Variants in MEI4 observed in about 807,000 individuals in gnomAD.
MEI4 encodes the protein meiotic double-stranded break formation protein 4.
Under a neutral mutation model 31.4 loss-of-function variants are expected in MEI4, and 27 were observed. That is an observed-to-expected ratio of 0.86 (90% CI 0.63 to 1.19). The LOEUF (loss-of-function observed/expected upper bound fraction) is 1.19, where lower values mean the gene tolerates loss of function less well. Ranked by LOEUF, MEI4 falls within the 50% of genes most tolerant of loss-of-function variation. MEI4 has a pLI of 0.00. For missense variants in MEI4, 329 were observed against 398.9 expected, an observed-to-expected ratio of 0.82 and a Z score of 1.49; for synonymous variants, 122 against 145.4, an observed-to-expected ratio of 0.84 and a Z score of 1.16.
rs117739498 is a variant in MEI4, at chr6:77,845,604, T to A, written c.900+16542T>A. 7.9e-3 allele frequency among the ~76,000 whole-genome samples: 1,200 copies of A among 152,286 alleles called. 9 individuals are homozygous for A. The highest frequency in any genetic ancestry group is 0.012 in the Non-Finnish European group (788 of 68,016). On this transcript the variant is annotated intron_variant, in intron 4 of 4. Transcript: ENST00000684080. Reference sequence around the variant, plus strand: ...TAGCAACACTAACTTTTTCTTTTTATTTGGGATATTTCTTTTATTATGTAC... The same window carrying A: ...TAGCAACACTAACTTTTTCTTTTTAATTGGGATATTTCTTTTATTATGTAC...
chr6:77,824,111 A>G (rs1769889198), intron 3 of MEI4, among the ~76,000 whole-genome samples: 1 of 152,020 alleles, frequency 6.6e-6, no homozygotes, highest in African/African-American at 2.4e-5. Flanking sequence ...ATTTTTTTTG[A>G]TGGAGTTTTG....
chr6:77,779,227 A>C (rs1296477840), intron 3 of MEI4, among the ~76,000 whole-genome samples: 3 of 152,184 alleles, frequency 2.0e-5, no homozygotes, highest in Non-Finnish European at 2.9e-5. Flanking sequence ...AAAATTAGGA[A>C]AGTATTGTCA....
intron 1 of MEI4, among the ~76,000 whole-genome samples, chr6:77,676,333 G>A (rs1768844395): frequency 6.6e-6 from 1 of 151,792 alleles, no homozygotes; most frequent in African/African-American, 2.4e-5. Flanking sequence ...AGATTAGCCT[G>A]GGCAACATAG....
intron 3 of MEI4, among the ~76,000 whole-genome samples, chr6:77,781,425 C>T (rs1464035822): frequency 2.6e-5 from 4 of 152,112 alleles, no homozygotes; most frequent in Admixed American, 1.3e-4. Flanking sequence ...AAACTTGCTG[C>T]TCAAAATGTG....
At chr6:77,780,237 T>C (rs1768559127) in intron 3 of MEI4, among the ~76,000 whole-genome samples, 1 of 152,146 alleles carries the variant, frequency 6.6e-6, no homozygotes, top group Admixed American at 6.5e-5. Context: ...GTTAATAGCT[T>C]AGAGTAGGTA....
In MEI4 at chr6:77,680,115, C is replaced by CAAAAAAAAAAAAAAAAAA. The variant is rs1220251759; in HGVS notation, c.-14-10529_-14-10528insAAAAAAAAAAAAAAAAAA. Among the ~76,000 whole-genome samples, 64 of 39,730 alleles carry CAAAAAAAAAAAAAAAAAA rather than the reference C, an allele frequency of 1.6e-3. 12 individuals are homozygous for CAAAAAAAAAAAAAAAAAA. The East Asian group carries it at 0.016, about 10-fold the overall frequency. The allele number at this position is 39,730 out of a possible 152,430, so 26.1% of individuals were successfully genotyped here. A position where few individuals can be genotyped will look rare whatever the true frequency, so the allele number is the denominator to read the frequency against. ...TGAAACCCCGTCCCTACTAAAAATA[C>CAAAAAAAAAAAAAAAAAA]AAAAAAAAAAAAAATTAGCTGGGCG... On this transcript the variant is annotated intron_variant, in intron 1 of 4. Coordinates refer to ENST00000684080, the MANE Select transcript of MEI4 (RefSeq NM_001322247.2).
chr6:77,851,564 A>G (rs960303212), intron 4 of MEI4, among the ~76,000 whole-genome samples: 1 of 144,478 alleles, frequency 6.9e-6, no homozygotes, highest in Admixed American at 7.3e-5. Context: ...GTTCTCGCTC[A>G]TAGGTGGGAA....
chr6:77,923,562 CA>C lies in MEI4; in HGVS notation c.*217del. ...ATCAGCCAGTTTCGGTTGGTAATGCCATCCTTATTCCCATGTAACTGTATCT... is the reference window on the plus strand; with the variant it reads ...ATCAGCCAGTTTCGGTTGGTAATGCCTCCTTATTCCCATGTAACTGTATCT... On this transcript the variant is annotated 3_prime_UTR_variant, in exon 5 of 5. Transcript: ENST00000684080. The C allele has an allele frequency of 3.0e-6, 1 of 328,954 alleles. No homozygotes were observed. The allele number at this position is 328,954 out of a possible 1,614,324, so 20.4% of individuals were successfully genotyped here. A position where few individuals can be genotyped will look rare whatever the true frequency, so the allele number is the denominator to read the frequency against.
chr6:77,862,691 C>A (rs561412322), intron 4 of MEI4, among the ~76,000 whole-genome samples: 47 of 152,312 alleles, frequency 3.1e-4, no homozygotes, highest in African/African-American at 1.1e-3. Context: ...CCTCTGCAGA[C>A]TTAAATGTCC....
intron 3 of MEI4, among the ~76,000 whole-genome samples, chr6:77,778,706 CAAATAAATAAATAAAT>C (rs71546067): frequency 1.4e-4 from 21 of 145,688 alleles, no homozygotes; most frequent in Non-Finnish European, 1.9e-4. Flanking sequence ...GACCCTGTCT[CAAATAAATAAATAAAT>C]AAATAAATAA....
At chr6:77,859,146 C>A (rs940681718) in intron 4 of MEI4, among the ~76,000 whole-genome samples, 7 of 152,112 alleles carry the variant, frequency 4.6e-5, no homozygotes, top group African/African-American at 1.7e-4. Context: ...TGTTAGTTTG[C>A]TGAGGATGAT....
At position 77,846,994 on chromosome 6, in the gene MEI4, T is replaced by C. The variant is rs117319369; in HGVS notation, c.900+17932T>C. On this transcript the variant is annotated intron_variant, in intron 4 of 4. Transcript: ENST00000684080. ...CATTTTTCCGTCATAGATTCTTTCA[T>C]TGAGAAACTGAAGGATTTTGTGTTG... is the stretch of plus-strand genomic sequence containing the variant. 5.3e-3 allele frequency among the ~76,000 whole-genome samples: 807 copies of C among 152,294 alleles called. 7 individuals are homozygous for C. The highest frequency in any genetic ancestry group is 9.0e-3 in the Non-Finnish European group (615 of 68,024).
intron 4 of MEI4, among the ~76,000 whole-genome samples, chr6:77,882,387 C>A (rs1186317294): frequency 6.6e-6 from 1 of 152,132 alleles, no homozygotes; most frequent in Non-Finnish European, 1.5e-5. Flanking sequence ...TCAGAATAAT[C>A]ATCTGTTTTT....
rs200236083 is a variant in MEI4 at position 77,670,961 on chromosome 6, G to T, written c.-15+17869G>T. Among the ~76,000 whole-genome samples the T allele has an allele frequency of 2.7e-5, 4 of 150,604 alleles. No homozygotes were observed. The East Asian group carries it at 7.8e-4, about 29-fold the overall frequency. Reference sequence around the variant, plus strand: ...TAAAAAAAATTACAATCACATTTATGTTTCTGATGTGGTCTGATCATCAAA... The same window carrying T: ...TAAAAAAAATTACAATCACATTTATTTTTCTGATGTGGTCTGATCATCAAA... On this transcript the variant is annotated intron_variant, in intron 1 of 4. Transcript: ENST00000684080.
intron 4 of MEI4, among the ~76,000 whole-genome samples, chr6:77,855,924 A>C (rs1770736493): frequency 6.6e-6 from 1 of 152,158 alleles, no homozygotes; most frequent in African/African-American, 2.4e-5. Flanking sequence ...ATCATTCCAC[A>C]TTGAATTTAA....
At chr6:77,695,664 T>C (rs1158302464) in intron 2 of MEI4, among the ~76,000 whole-genome samples, 1 of 152,220 alleles carries the variant, frequency 6.6e-6, no homozygotes, top group African/African-American at 2.4e-5. Flanking sequence ...TTGGTTACTG[T>C]AGCCTTGTAG....
At position 77,696,289 on chromosome 6, in the gene MEI4, T is replaced by A. The variant is rs9448163; in HGVS notation, c.232+5386T>A. Reference sequence around the variant, plus strand: ...CCTGCCTGATTGTCCTGGACAGAACTTCCAACACTATGTTGAATAGGAGTG... The same window carrying A: ...CCTGCCTGATTGTCCTGGACAGAACATCCAACACTATGTTGAATAGGAGTG... On this transcript the variant is annotated intron_variant, in intron 2 of 4. Coordinates refer to ENST00000684080, the MANE Select transcript of MEI4 (RefSeq NM_001322247.2). 6.9e-3 allele frequency among the ~76,000 whole-genome samples: 1,058 copies of A among 152,276 alleles called. 13 individuals carry two copies. The highest frequency in any genetic ancestry group is 0.024 in the African/African-American group (998 of 41,550).
At chr6:77,659,878 A>G (rs1768470202) in intron 1 of MEI4, among the ~76,000 whole-genome samples, 1 of 152,194 alleles carries the variant, frequency 6.6e-6, no homozygotes, top group South Asian at 2.1e-4. Context: ...AGAGATACAT[A>G]AAGGAGCAGC....
intron 2 of MEI4, among the ~76,000 whole-genome samples, chr6:77,732,335 G>A (rs1394366724): frequency 6.6e-6 from 1 of 151,920 alleles, no homozygotes; most frequent in Non-Finnish European, 1.5e-5. Flanking sequence ...CCTTGAAAAG[G>A]TCCTTCACAT....
Sources: gnomAD v4.1 joint callset for allele counts (sites outside exome capture counted in the v4.1 genomes callset) on GRCh38, gnomAD v4.1.1 for gene constraint, MANE v1.5 for transcripts, NCBI Gene and HGNC (gene_info 2026-07-23, HGNC 2026-07-21) for gene names.